AMOTL1: variants seen among roughly 807,000 people sequenced by gnomAD.
The protein encoded by AMOTL1 is angiomotin-like protein 1.
A neutral mutation model predicts 102.9 loss-of-function variants in AMOTL1; 45 were observed. That is an observed-to-expected ratio of 0.44 (90% confidence interval 0.34 to 0.56). The LOEUF (loss-of-function observed/expected upper bound fraction) is 0.56. Ranked by LOEUF, AMOTL1 falls within the 20% of genes least tolerant of loss-of-function variation. AMOTL1 has a pLI of 0.01. For missense variants in AMOTL1, 1,114 were observed against 1,225.6 expected, an observed-to-expected ratio of 0.91 and a Z score of 1.36; for synonymous variants, 481 against 484.7, an observed-to-expected ratio of 0.99 and a Z score of 0.10.
At chr11:94,758,009 C>A (rs12273375) in intron 3 of AMOTL1, among the ~76,000 whole-genome samples, 1,836 of 152,270 alleles carry the variant, frequency 0.012, 44 homozygotes, top group African/African-American at 0.042. Context: ...TTGCAGTGAG[C>A]CAAGACTGTG....
At chr11:94,866,594 A>G (rs996225785) in intron 11 of AMOTL1, 1 of 198,742 alleles carries the variant, frequency 5.0e-6, no homozygotes, top group African/African-American at 2.3e-5. Context: ...GGAGGGAATA[A>G]TGGGATAATG....
intron 1 of AMOTL1, among the ~76,000 whole-genome samples, chr11:94,791,779 C>T (rs898437461): frequency 4.6e-5 from 7 of 152,206 alleles, no homozygotes; most frequent in African/African-American, 1.7e-4. Context: ...CCTCTCATGC[C>T]ATAGGTTTAT....
chr11:94,858,218 C>G (rs1321244579), intron 8 of AMOTL1, among the ~76,000 whole-genome samples: 1 of 152,170 alleles, frequency 6.6e-6, no homozygotes. Flanking sequence ...GTTCTCCTGC[C>G]TGAGGCTAGG....
rs1458988503 is a variant in AMOTL1, at chr11:94,872,413, A to G, written c.*1618A>G. 6.6e-6 allele frequency: 1 copy of G among 152,242 alleles called. No homozygotes were observed. Among genetic ancestry groups the G allele is most frequent in the Non-Finnish European group, 1.5e-5 (1 of 68,072 alleles). The allele number at this position is 152,242 out of a possible 1,614,324, so 9.4% of individuals were successfully genotyped here. A position where few individuals can be genotyped will look rare whatever the true frequency, so the allele number is the denominator to read the frequency against. ...AGAAAGAAAGGGGGGTACCTCTTCC[A>G]AGTACCTTCTAAATGAAACACTCAA... On this transcript the variant is annotated 3_prime_UTR_variant, in exon 13 of 13. Coordinates refer to ENST00000433060, the MANE Select transcript of AMOTL1 (RefSeq NM_130847.3).
At chr11:94,840,903 A>G (rs1215896272) in intron 6 of AMOTL1, among the ~76,000 whole-genome samples, 1 of 152,050 alleles carries the variant, frequency 6.6e-6, no homozygotes, top group East Asian at 1.9e-4. Context: ...CTGAAATGTA[A>G]CAATGAGCAA....
intron 1 of AMOTL1, among the ~76,000 whole-genome samples, chr11:94,716,927 C>T (rs1950107420): frequency 6.6e-6 from 1 of 152,096 alleles, no homozygotes; most frequent in South Asian, 2.1e-4. Flanking sequence ...TGCCACAGAT[C>T]AGCATGAGGA....
intron 6 of AMOTL1, among the ~76,000 whole-genome samples, chr11:94,841,735 G>A (rs1952305915): frequency 6.6e-6 from 1 of 152,118 alleles, no homozygotes; most frequent in African/African-American, 2.4e-5. Context: ...TGGATGAATG[G>A]GTGTCTCCTC....
In AMOTL1 at chr11:94,783,338, C is replaced by T. The variant is rs186896714; in HGVS notation, c.50-11673C>T. 4.6e-5 allele frequency among the ~76,000 whole-genome samples: 7 copies of T among 152,260 alleles called. No individual in the cohort carries two copies. The East Asian group carries it at 1.2e-3, about 25-fold the overall frequency. On this transcript the variant is annotated intron_variant, in intron 1 of 12. Transcript: ENST00000433060. ...GAAAATTCCCAGCAGTATTTGGTTA[C>T]GTCCATTTGCCTGTAGTTGATTTGT...
At chr11:94,839,938 C>A (rs1952262384) in intron 6 of AMOTL1, among the ~76,000 whole-genome samples, 1 of 152,206 alleles carries the variant, frequency 6.6e-6, no homozygotes, top group Non-Finnish European at 1.5e-5. Context: ...GTTCCAACTA[C>A]TGGAATTAAC....
At chr11:94,844,949 T>A (rs891620216) in intron 6 of AMOTL1, among the ~76,000 whole-genome samples, 2 of 152,178 alleles carry the variant, frequency 1.3e-5, no homozygotes, top group Non-Finnish European at 2.9e-5. Context: ...AAAAATCCGT[T>A]ATATCAGAAA....
At chr11:94,869,656 A>C (rs1952955185) in intron 12 of AMOTL1, among the ~76,000 whole-genome samples, 183 bp downstream of exon 12, 1 of 152,236 alleles carries the variant, frequency 6.6e-6, no homozygotes, top group Admixed American at 6.5e-5. Flanking sequence ...ATGCATATAG[A>C]CACATCTAGT....
intron 6 of AMOTL1, among the ~76,000 whole-genome samples, chr11:94,835,589 G>A (rs1952163278): frequency 6.6e-6 from 1 of 152,194 alleles, no homozygotes; most frequent in Non-Finnish European, 1.5e-5. Flanking sequence ...AAATAGTTAT[G>A]TTGGAGCTTT....
intron 10 of AMOTL1, among the ~76,000 whole-genome samples, chr11:94,865,428 A>G (rs994672934): frequency 4.6e-5 from 7 of 152,222 alleles, no homozygotes; most frequent in South Asian, 2.1e-4. Context: ...TAGTTGAGCC[A>G]TTGATAGATA....
chr11:94,760,423 T>C (rs1950777814), intron 3 of AMOTL1, among the ~76,000 whole-genome samples: 1 of 152,210 alleles, frequency 6.6e-6, no homozygotes, highest in Admixed American at 6.5e-5. Context: ...CATCCCTGCA[T>C]CCTCAGCACA....
At chr11:94,821,077 A>G (rs1951856164) in intron 3 of AMOTL1, among the ~76,000 whole-genome samples, 1 of 151,804 alleles carries the variant, frequency 6.6e-6, no homozygotes, top group South Asian at 2.1e-4. Flanking sequence ...CCACTTCTTC[A>G]CCCGCTCTGT....
intron 3 of AMOTL1, among the ~76,000 whole-genome samples, chr11:94,754,359 C>T (rs1046453565): frequency 1.3e-5 from 2 of 152,096 alleles, no homozygotes; most frequent in African/African-American, 4.8e-5. Context: ...CTCTGGGGTC[C>T]CTGTGACCAA....
chr11:94,811,366 A>G (rs1163407341), intron 3 of AMOTL1, among the ~76,000 whole-genome samples: 1 of 152,026 alleles, frequency 6.6e-6, no homozygotes, highest in Non-Finnish European at 1.5e-5. Context: ...GTGGTGGTGC[A>G]CGCCTGTAGT....
Position 94,733,646 on chromosome 11 carries a change from A to G in AMOTL1, c.85+4591A>G, listed in dbSNP as rs77856770. ...GATGCTGGGTTGGAAATATAAGATC[A>G]TGGTCTCTGCATTTCAGCAGAAACT... On this transcript the variant is annotated intron_variant, in intron 2 of 4. Transcript: ENST00000299004. 1.2e-3 allele frequency among the ~76,000 whole-genome samples: 185 copies of G among 152,348 alleles called. 3 individuals carry two copies. In the East Asian group the frequency reaches 0.033, roughly 27 times the overall value.
chr11:94,767,486 A>G (rs908105025), upstream of AMOTL1, among the ~76,000 whole-genome samples: 1 of 152,114 alleles, frequency 6.6e-6, no homozygotes, highest in African/African-American at 2.4e-5. Flanking sequence ...GGAGCACCAG[A>G]TAAGAGAGGC....
Sources: gnomAD v4.1 joint callset for allele counts (sites outside exome capture counted in the v4.1 genomes callset) on GRCh38, gnomAD v4.1.1 for gene constraint, MANE v1.5 for transcripts, NCBI Gene and HGNC (gene_info 2026-07-23, HGNC 2026-07-21) for gene names.